The following SIDT1 variants were observed in gnomAD, a reference collection of about 807,000 sequenced individuals.
SIDT1 encodes the protein SID1 transmembrane family, member 1.
SIDT1 carries 101 observed loss-of-function variants against 107.5 expected under a neutral mutation model. That is an observed-to-expected ratio of 0.94 (90% CI 0.80 to 1.11). The LOEUF is 1.11. Ranked by LOEUF, SIDT1 falls within the 50% of genes least tolerant of loss-of-function variation. The pLI is 0.00. For synonymous variants in SIDT1, 395 were observed against 398.2 expected, an observed-to-expected ratio of 0.99 and a Z score of 0.10; for missense variants, 1,076 against 1,058.2, an observed-to-expected ratio of 1.02 and a Z score of -0.23.
chr3:113,626,437 A>G (rs1946856000), intron 24 of SIDT1, among the ~76,000 whole-genome samples: 1 of 152,112 alleles, frequency 6.6e-6, no homozygotes, highest in African/African-American at 2.4e-5. Flanking sequence ...TTAGACACAG[A>G]GGGACAAAAT....
intron 21 of SIDT1, among the ~76,000 whole-genome samples, chr3:113,623,119 A>T (rs1450370817): frequency 7.3e-6 from 1 of 137,332 alleles, no homozygotes; most frequent in Non-Finnish European, 1.5e-5. Context: ...TGAGTCCAGG[A>T]TGTGGAGGTT....
intron 20 of SIDT1, among the ~76,000 whole-genome samples, chr3:113,618,851 G>T (rs1400441510): frequency 6.6e-6 from 1 of 152,180 alleles, no homozygotes; most frequent in Non-Finnish European, 1.5e-5. Flanking sequence ...TTGGGACAGA[G>T]TCTTGCTCTA....
At chr3:113,608,650 T>A (rs1945517328) in intron 17 of SIDT1, 114 bp downstream of exon 17, 1 of 764,508 alleles carries the variant, frequency 1.3e-6, no homozygotes, top group African/African-American at 1.7e-5. Flanking sequence ...TTATGTGAGC[T>A]GAAGAGATCA....
intron 19 of SIDT1, among the ~76,000 whole-genome samples, chr3:113,613,890 TG>T (rs2107746820): frequency 6.6e-6 from 1 of 152,310 alleles, no homozygotes; most frequent in South Asian, 2.1e-4. Flanking sequence ...ATTATGACCA[TG>T]GAATAATTTG....
At chr3:113,616,357 G>A (rs1023515618) in intron 20 of SIDT1, among the ~76,000 whole-genome samples, 181 bp downstream of exon 20, 8 of 152,180 alleles carry the variant, frequency 5.3e-5, no homozygotes, top group African/African-American at 1.9e-4. Flanking sequence ...TACAAGTCAA[G>A]CTAACATGGT....
intron 1 of SIDT1, among the ~76,000 whole-genome samples, chr3:113,533,682 G>T (rs1020963275): frequency 6.6e-6 from 1 of 152,190 alleles, no homozygotes; most frequent in Non-Finnish European, 1.5e-5. Flanking sequence ...TAGCGCATGG[G>T]GAGGGAGAAC....
chr3:113,584,820 A>C, intron 8 of SIDT1, 51 bp downstream of exon 8: 4 of 1,281,350 alleles, frequency 3.1e-6, no homozygotes, highest in Non-Finnish European at 4.4e-6. Flanking sequence ...TCAGAAAATC[A>C]GTCATATAAT....
rs150449264 is a variant in SIDT1, at chr3:113,608,495, C to G, written c.1679C>G (p.Ala560Gly). Residue 560 changes from alanine to glycine, a missense_variant, in exon 17 of 25, where the codon GCT (alanine) becomes GGT (glycine). Coordinates refer to ENST00000264852, the MANE Select transcript of SIDT1 (RefSeq NM_017699.3). ...TTGATGATGGAAGGGGTGCTCAGTG[C>G]TTGCTACCATGTCTGCCCTAATTAT... is the stretch of plus-strand genomic sequence containing the variant. ...IALMMEGVLS[A>G]CYHVCPNYSN... The G allele has an allele frequency of 2.1e-3, 3,378 of 1,613,830 alleles. 6 individuals carry two copies. Among genetic ancestry groups the G allele is most frequent in the Non-Finnish European group, 2.4e-3 (2,849 of 1,179,704 alleles).
the SIDT1 span, among the ~76,000 whole-genome samples, chr3:113,634,787 G>C: frequency 6.6e-6 from 1 of 152,154 alleles, no homozygotes; most frequent in East Asian, 1.9e-4. Context: ...CTAGGGGACA[G>C]AGCGAGGCTC....
downstream of SIDT1, chr3:113,632,872 T>C (rs35341324): frequency 0.34 from 50,972 of 151,944 alleles, 8,550 homozygotes; most frequent in Non-Finnish European, 0.35. Context: ...CACCAGGTTG[T>C]CTAAGGAGGG....
intron 4 of SIDT1, among the ~76,000 whole-genome samples, chr3:113,578,904 A>C (rs1173477429): frequency 1.3e-5 from 2 of 152,220 alleles, no homozygotes; most frequent in Non-Finnish European, 2.9e-5. Flanking sequence ...ATGGAGTAAA[A>C]TATACTTAGA....
chr3:113,549,703 C>T (rs1383393184), intron 1 of SIDT1, among the ~76,000 whole-genome samples: 1 of 152,132 alleles, frequency 6.6e-6, no homozygotes, highest in Non-Finnish European at 1.5e-5. Context: ...CTTGCCTTTT[C>T]ATTTTCTTAG....
At chr3:113,596,626 G>C (rs570002293) in intron 10 of SIDT1, among the ~76,000 whole-genome samples, 2 of 152,302 alleles carry the variant, frequency 1.3e-5, no homozygotes, top group East Asian at 3.9e-4. Context: ...GTGAGAATCT[G>C]AGAGGTACTA....
intron 9 of SIDT1, among the ~76,000 whole-genome samples, chr3:113,588,569 C>T (rs1943907537): frequency 6.6e-6 from 1 of 152,144 alleles, no homozygotes; most frequent in African/African-American, 2.4e-5. Context: ...TGTCTTCATA[C>T]TGTATTAGCC....
chr3:113,546,998 T>C (rs980390205), intron 1 of SIDT1, among the ~76,000 whole-genome samples: 2 of 152,166 alleles, frequency 1.3e-5, no homozygotes, highest in Non-Finnish European at 2.9e-5. Flanking sequence ...TTCTGCTTAT[T>C]TGAAAAGGAA....
chr3:113,578,711 C>T (rs1019529382), intron 4 of SIDT1, among the ~76,000 whole-genome samples: 1 of 151,910 alleles, frequency 6.6e-6, no homozygotes, highest in Non-Finnish European at 1.5e-5. Context: ...AAAAATTAGC[C>T]GGGTATGGTA....
At chr3:113,533,337 A>C in intron 1 of SIDT1, 94 bp downstream of exon 1, 1 of 1,000,960 alleles carries the variant, frequency 1.0e-6, no homozygotes. Flanking sequence ...TGACCTTGGG[A>C]GACTTCGGGG....
intron 1 of SIDT1, among the ~76,000 whole-genome samples, chr3:113,556,055 G>T (rs1470488253): frequency 1.3e-5 from 2 of 152,144 alleles, no homozygotes; most frequent in Non-Finnish European, 2.9e-5. Context: ...CAGGGAGATA[G>T]GTAGTCTGGT....
chr3:113,532,756 GA>G lies in SIDT1; in HGVS notation c.-262del. 2.7e-6 allele frequency: 1 copy of G among 367,152 alleles called. No individual in the cohort carries two copies. The highest frequency in any genetic ancestry group is 4.8e-6 in the Non-Finnish European group (1 of 206,398). The allele number at this position is 367,152 out of a possible 1,614,324, so 22.7% of individuals were successfully genotyped here. On this transcript the variant is annotated 5_prime_UTR_variant, in exon 1 of 25. An upstream open reading frame in the 5' UTR loses its in-frame stop. Transcript: ENST00000264852. ...GAAACGGGGGACTTAGAAGCCGGAGGAAAATCAGCAGCCCCACATCTCCACT... is the reference window on the plus strand; with the variant it reads ...GAAACGGGGGACTTAGAAGCCGGAGGAAATCAGCAGCCCCACATCTCCACT...
Sources: gnomAD v4.1 joint callset for allele counts (sites outside exome capture counted in the v4.1 genomes callset) on GRCh38, gnomAD v4.1.1 for gene constraint, MANE v1.5 for transcripts, NCBI Gene and HGNC (gene_info 2026-07-23, HGNC 2026-07-21) for gene names.